ARAP2: variants seen among roughly 807,000 people sequenced by gnomAD.
ARAP2 encodes the protein ArfGAP with RhoGAP domain, ankyrin repeat and PH domain 2.
In ARAP2, 148 loss-of-function variants were observed where a neutral mutation model predicts 194.5. That is an observed-to-expected ratio of 0.76 (90% CI 0.67 to 0.87). ARAP2 has a LOEUF of 0.87. Among genes scored for constraint, ARAP2 ranks in the 40% least tolerant of loss-of-function variants. ARAP2 has a pLI of 0.00. For synonymous variants in ARAP2, 695 were observed against 683.5 expected, an observed-to-expected ratio of 1.02 and a Z score of -0.26; for missense variants, 2,128 against 1,989.7, an observed-to-expected ratio of 1.07 and a Z score of -1.32.
intron 1 of ARAP2, among the ~76,000 whole-genome samples, chr4:36,060,526 T>C (rs1348262988): frequency 6.6e-6 from 1 of 152,188 alleles, no homozygotes; most frequent in Admixed American, 6.5e-5. Context: ...GCACAAGGAC[T>C]AATTATTTCA....
rs577557937 is a variant in ARAP2, at chr4:36,078,113, C to T, written c.4608+2103G>A. On this transcript the variant is annotated intron_variant, in intron 31 of 32. Coordinates refer to ENST00000303965, the MANE Select transcript of ARAP2 (RefSeq NM_015230.4). ...GATTACTGATTTTCTTACCCTATTT[C>T]CTATTTTAGAAATACTAACTAAACA... is the stretch of plus-strand genomic sequence containing the variant. Among the ~76,000 whole-genome samples, 105 of 152,260 alleles carry T rather than the reference C, an allele frequency of 6.9e-4. No individual in the cohort carries two copies. The South Asian group carries it at 0.014, about 20-fold the overall frequency.
intron 19 of ARAP2, among the ~76,000 whole-genome samples, chr4:36,136,923 C>CGT (rs1491190828): frequency 7.8e-4 from 19 of 24,502 alleles, no homozygotes; most frequent in African/African-American, 1.4e-3. Flanking sequence ...CACACATACA[C>CGT]GCGCGCGCGC....
chr4:36,025,942 T>C (rs370998886), intron 5 of ARAP2, among the ~76,000 whole-genome samples: 2 of 152,192 alleles, frequency 1.3e-5, no homozygotes. Context: ...TCTTATTGTA[T>C]GCATCATGTT....
At chr4:36,219,527 C>G (rs1748703021) in intron 2 of ARAP2, among the ~76,000 whole-genome samples, 1 of 152,106 alleles carries the variant, frequency 6.6e-6, no homozygotes, top group African/African-American at 2.4e-5. Flanking sequence ...CAAATGGTCA[C>G]AAGAGAATTT....
At chr4:36,113,988 A>C (rs566599646) in intron 26 of ARAP2, among the ~76,000 whole-genome samples, 182 bp downstream of exon 26, 2 of 152,140 alleles carry the variant, frequency 1.3e-5, no homozygotes, top group East Asian at 3.9e-4. Context: ...CAATAAGGTA[A>C]TATAATTATT....
intron 8 of ARAP2, among the ~76,000 whole-genome samples, chr4:36,185,624 A>G (rs1401561106): frequency 2.6e-5 from 4 of 152,160 alleles, no homozygotes; most frequent in South Asian, 2.1e-4. Context: ...ATGTTACCCC[A>G]TAACAGTTAA....
chr4:36,152,624 T>C (rs1578088958), intron 15 of ARAP2, among the ~76,000 whole-genome samples: 3 of 151,750 alleles, frequency 2.0e-5, no homozygotes, highest in African/African-American at 2.4e-5. Context: ...GTCTCTTTAG[T>C]AGATTAGAAG....
At chr4:36,074,502 G>C (rs1021636420) in intron 31 of ARAP2, among the ~76,000 whole-genome samples, 1 of 151,982 alleles carries the variant, frequency 6.6e-6, no homozygotes, top group Non-Finnish European at 1.5e-5. Context: ...AAAAATATAA[G>C]CTCTGGAGTG....
At chr4:36,100,068 A>G (rs1716436062) in intron 27 of ARAP2, among the ~76,000 whole-genome samples, 1 of 152,092 alleles carries the variant, frequency 6.6e-6, no homozygotes, top group Non-Finnish European at 1.5e-5. Context: ...TAAGCTGGAT[A>G]TGGAGCGATC....
At chr4:36,138,830 A>G (rs1727487996) in intron 19 of ARAP2, among the ~76,000 whole-genome samples, 2 of 151,718 alleles carry the variant, frequency 1.3e-5, no homozygotes, top group Admixed American at 1.3e-4. Context: ...CTATTTTACA[A>G]TCCCACCATA....
At chr4:36,152,441 A>C (rs1731216063) in intron 15 of ARAP2, among the ~76,000 whole-genome samples, 2 of 152,214 alleles carry the variant, frequency 1.3e-5, no homozygotes, top group African/African-American at 2.4e-5. Context: ...AAGTAATTTC[A>C]AAACAATGTA....
chr4:36,088,333 T>C (rs1266173893), intron 28 of ARAP2, among the ~76,000 whole-genome samples: 1 of 152,118 alleles, frequency 6.6e-6, no homozygotes, highest in East Asian at 1.9e-4. Context: ...GATTCAGTTC[T>C]AGCTGACTAG....
chr4:36,193,749 T>A (rs568117941), intron 6 of ARAP2, 102 bp from the exon 7 acceptor site: 1 of 888,012 alleles, frequency 1.1e-6, no homozygotes, highest in South Asian at 2.1e-5. Flanking sequence ...TTATTTAATG[T>A]TAAACACCAT....
At chr4:36,206,059 C>T (rs1202262955) in intron 6 of ARAP2, among the ~76,000 whole-genome samples, 1 of 152,230 alleles carries the variant, frequency 6.6e-6, no homozygotes, top group Non-Finnish European at 1.5e-5. Context: ...CAACTTTCTG[C>T]AACACCTGCC....
chr4:36,096,049 T>G (rs1031292350), intron 27 of ARAP2, among the ~76,000 whole-genome samples: 1 of 151,958 alleles, frequency 6.6e-6, no homozygotes, highest in Non-Finnish European at 1.5e-5. Flanking sequence ...CTAAAATTTA[T>G]AAAATAAAAA....
intron 6 of ARAP2, among the ~76,000 whole-genome samples, chr4:36,016,519 G>C (rs999294314): frequency 7.9e-5 from 12 of 152,074 alleles, no homozygotes; most frequent in Non-Finnish European, 8.8e-5. Flanking sequence ...TCAGAGTTAA[G>C]AGAATTTTAA....
At chr4:36,203,590 A>C (rs1224159612) in intron 6 of ARAP2, among the ~76,000 whole-genome samples, 3 of 151,948 alleles carry the variant, frequency 2.0e-5, no homozygotes, top group South Asian at 2.1e-4. Flanking sequence ...TCTCAAAAAA[A>C]CAAAACAAAA....
At chr4:36,163,995 T>G (rs1166201025) in intron 11 of ARAP2, among the ~76,000 whole-genome samples, 2 of 152,222 alleles carry the variant, frequency 1.3e-5, no homozygotes, top group East Asian at 3.8e-4. Context: ...CTCCTGTGAC[T>G]GCACTACTCA....
At chr4:36,214,048 A>G (rs1158627278) in intron 3 of ARAP2, among the ~76,000 whole-genome samples, 2 of 152,172 alleles carry the variant, frequency 1.3e-5, no homozygotes, top group Non-Finnish European at 2.9e-5. Context: ...AATTTGCCAG[A>G]GCAACAATGA....
Sources: allele counts gnomAD v4.1 joint callset (sites outside exome capture counted in the v4.1 genomes callset), GRCh38; gene constraint gnomAD v4.1.1; transcripts MANE v1.5; gene names NCBI Gene and HGNC (gene_info 2026-07-23, HGNC 2026-07-21).